TMED10: variants seen among roughly 807,000 people sequenced by gnomAD.
TMED10 encodes transmembrane p24 trafficking protein 10, also known as transmembrane emp24 domain-containing protein 10.
In TMED10, 7 loss-of-function variants were observed where a neutral mutation model predicts 23.1. The observed-to-expected ratio is 0.30, with a 90% confidence interval of 0.17 to 0.57. TMED10 has a LOEUF of 0.57. TMED10 is among the 20% of genes least tolerant of loss of function. The pLI, the probability that TMED10 is intolerant of heterozygous loss-of-function variation, is 0.91. For missense variants in TMED10, 162 were observed against 274.8 expected, an observed-to-expected ratio of 0.59 and a Z score of 2.90; for synonymous variants, 113 against 106.9, an observed-to-expected ratio of 1.06 and a Z score of -0.35.
chr14:75,176,258 TCCCA>T, intron 1 of TMED10, 93 bp downstream of exon 1: 1 of 1,471,652 alleles, frequency 6.8e-7, no homozygotes, highest in Non-Finnish European at 9.3e-7. Context: ...CCAGAACAAC[TCCCA>T]GGCCTCCGCC....
chr14:75,172,881 T>C (rs1157741388), intron 1 of TMED10, among the ~76,000 whole-genome samples: 2 of 152,146 alleles, frequency 1.3e-5, no homozygotes, highest in East Asian at 1.9e-4. Context: ...CCAATCTGAA[T>C]TGGCTGGTGA....
In TMED10 at chr14:75,147,657, G is replaced by C. The variant is rs1418442222; in HGVS notation, c.411+7C>G. ...CTGCCTCCTCTGGCTGTTAGAGCAG[G>C]ACATACCTCTTCGTAATTTTTCGCC... On this transcript the variant is annotated splice_region_variant and intron_variant, in intron 3 of 4. Transcript: ENST00000303575. 1.2e-6 allele frequency: 2 copies of C among 1,613,910 alleles called. No individual in the cohort carries two copies. Among genetic ancestry groups the C allele is most frequent in the Non-Finnish European group, 1.7e-6 (2 of 1,179,966 alleles).
At chr14:75,159,544 G>A (rs1276506121) in intron 1 of TMED10, among the ~76,000 whole-genome samples, 2 of 152,196 alleles carry the variant, frequency 1.3e-5, no homozygotes, top group South Asian at 2.1e-4. Context: ...CCTGGAAGAA[G>A]AGATTATAAT....
At chr14:75,142,644 C>A (rs1242314133) in intron 3 of TMED10, among the ~76,000 whole-genome samples, 1 of 152,190 alleles carries the variant, frequency 6.6e-6, no homozygotes, top group East Asian at 1.9e-4. Flanking sequence ...TCCCTCCACA[C>A]TAGTTTGGCT....
At chr14:75,138,812 C>CTTTTTTTTTTTTTTTTTTTTTTT (rs59707221) in intron 3 of TMED10, among the ~76,000 whole-genome samples, 38 of 95,038 alleles carry the variant, frequency 4.0e-4, no homozygotes, top group South Asian at 7.0e-4. Context: ...GCCTTTGCTT[C>CTTTTTTTTTTTTTTTTTTTTTTT]TTTTTTTTTT....
intron 3 of TMED10, among the ~76,000 whole-genome samples, chr14:75,146,166 G>C (rs923950658): frequency 7.9e-5 from 12 of 152,126 alleles, no homozygotes; most frequent in Non-Finnish European, 1.5e-5. Flanking sequence ...TTCTCTACCG[G>C]AAACTGTCTC....
intron 1 of TMED10, 64 bp downstream of exon 1, chr14:75,176,291 C>T (rs1594878601): frequency 6.3e-7 from 1 of 1,594,772 alleles, no homozygotes; most frequent in East Asian, 2.2e-5. Flanking sequence ...TCCCCCGAAC[C>T]CGAGCCTCCC....
At chr14:75,152,589 G>A (rs1278868788) in intron 1 of TMED10, among the ~76,000 whole-genome samples, 2 of 152,222 alleles carry the variant, frequency 1.3e-5, no homozygotes, top group African/African-American at 4.8e-5. Context: ...GGGAAGGGGT[G>A]TGGGTGGAGA....
intron 3 of TMED10, among the ~76,000 whole-genome samples, chr14:75,144,181 C>T (rs1446564828): frequency 2.0e-5 from 3 of 152,144 alleles, no homozygotes; most frequent in South Asian, 4.2e-4. Context: ...CCTTCTTTGT[C>T]GGACAGTAAT....
At chr14:75,172,787 A>G (rs1896250497) in intron 1 of TMED10, among the ~76,000 whole-genome samples, 1 of 152,260 alleles carries the variant, frequency 6.6e-6, no homozygotes, top group African/African-American at 2.4e-5. Context: ...AAAGATCCTG[A>G]TAATTGGTGA....
chr14:75,154,305 G>C (rs1041231724), intron 1 of TMED10, among the ~76,000 whole-genome samples: 22 of 146,038 alleles, frequency 1.5e-4, no homozygotes, highest in African/African-American at 5.3e-4. Context: ...TGGAGGCTGA[G>C]GCAGGATAAT....
intron 3 of TMED10, among the ~76,000 whole-genome samples, chr14:75,137,874 A>T (rs535554005): frequency 1.3e-5 from 2 of 151,836 alleles, no homozygotes; most frequent in African/African-American, 4.8e-5. Context: ...CCACCCAGCT[A>T]ATTTTTATAT....
Position 75,164,557 on chromosome 14 carries a change from ATATATATATATATATATATATTTT to A in TMED10, c.225+11774_225+11797del, listed in dbSNP as rs1367678762. Among the ~76,000 whole-genome samples, 42 of 14,852 alleles carry A rather than the reference ATATATATATATATATATATATTTT, an allele frequency of 2.8e-3. 1 individual carries two copies. The highest frequency in any genetic ancestry group is 3.7e-3 in the African/African-American group (11 of 2,980). 9.7% of individuals were successfully genotyped at this position (14,852 alleles called of 152,430 possible). A position where few individuals can be genotyped will look rare whatever the true frequency, so the allele number is the denominator to read the frequency against. The stretch of plus-strand genomic sequence containing the variant: ...AATATATATATATATATATATATAT[ATATATATATATATATATATATTTT>A]TTTTTTTTTTTTTGTATTTTTAGAA... On this transcript the variant is annotated intron_variant, in intron 1 of 4. Coordinates refer to ENST00000303575, the MANE Select transcript of TMED10 (RefSeq NM_006827.6).
intron 1 of TMED10, among the ~76,000 whole-genome samples, chr14:75,175,597 G>A (rs1329343702): frequency 6.6e-6 from 1 of 151,562 alleles, no homozygotes. Context: ...GTCGTGGGGT[G>A]GGGGGAGGTG....
At chr14:75,167,120 T>G (rs951893476) in intron 1 of TMED10, among the ~76,000 whole-genome samples, 1 of 151,974 alleles carries the variant, frequency 6.6e-6, no homozygotes, top group African/African-American at 2.4e-5. Flanking sequence ...TTTTGTATTT[T>G]CAGTAGAGAC....
chr14:75,160,604 TTATAA>T (rs1176257988), intron 1 of TMED10, among the ~76,000 whole-genome samples: 7 of 152,116 alleles, frequency 4.6e-5, no homozygotes, highest in Non-Finnish European at 1.0e-4. Flanking sequence ...CAATAAATAC[TTATAA>T]TAGTGATAAT....
chr14:75,171,961 A>G (rs951763422), intron 1 of TMED10, among the ~76,000 whole-genome samples: 4 of 147,900 alleles, frequency 2.7e-5, no homozygotes, highest in Admixed American at 6.8e-5. Flanking sequence ...TAAGTTCTGG[A>G]GGGGTACATG....
At chr14:75,139,100 G>C (rs1204063596) in intron 3 of TMED10, 7 of 447,504 alleles carry the variant, frequency 1.6e-5, no homozygotes, top group Non-Finnish European at 3.1e-5. Context: ...TTCCCACATT[G>C]CTTTCCAGAG....
At chr14:75,138,226 TAAAAC>T (rs1226974728) in intron 3 of TMED10, among the ~76,000 whole-genome samples, 10 of 152,212 alleles carry the variant, frequency 6.6e-5, no homozygotes, top group Non-Finnish European at 1.2e-4. Flanking sequence ...TTATTTAAAA[TAAAAC>T]AAACTGCTGT....
Sources: gnomAD v4.1 joint callset for allele counts (sites outside exome capture counted in the v4.1 genomes callset) on GRCh38, gnomAD v4.1.1 for gene constraint, MANE v1.5 for transcripts, NCBI Gene and HGNC (gene_info 2026-07-23, HGNC 2026-07-21) for gene names.